ZNF362: variants seen among roughly 807,000 people sequenced by gnomAD.
ZNF362 encodes the protein rotund homolog.
In ZNF362, 11 loss-of-function variants were observed where a neutral mutation model predicts 42.9. That is an observed-to-expected ratio of 0.26 (90% confidence interval 0.16 to 0.42). The LOEUF is 0.42. Ranked by LOEUF, ZNF362 falls within the 20% of genes least tolerant of loss-of-function variation. The pLI is 1.00. For synonymous variants in ZNF362, 255 were observed against 257.3 expected (o/e 0.99, Z 0.09); for missense variants, 362 against 576.2 (o/e 0.63, Z 3.81).
At chr1:33,150,687 C>G in the ZNF362 span, among the ~76,000 whole-genome samples, 2 of 152,272 alleles carry the variant, frequency 1.3e-5, no homozygotes, top group East Asian at 3.9e-4. Flanking sequence ...AACCAGGGGG[C>G]CCCTGCCTGG....
At chr1:33,138,628 A>ACAG in the ZNF362 span, among the ~76,000 whole-genome samples, 1 of 128,688 alleles carries the variant, frequency 7.8e-6, no homozygotes, top group African/African-American at 3.2e-5. Flanking sequence ...AACAACAACA[A>ACAG]AAAAAAAAAA....
intron 2 of ZNF362, among the ~76,000 whole-genome samples, chr1:33,275,816 A>C (rs1414222424): frequency 6.6e-6 from 1 of 151,710 alleles, no homozygotes; most frequent in Non-Finnish European, 1.5e-5. Context: ...CACTGGGGTG[A>C]TAGGGGTGGG....
chr1:33,283,070 T>C (rs909235206), intron 6 of ZNF362, among the ~76,000 whole-genome samples: 1 of 151,944 alleles, frequency 6.6e-6, no homozygotes, highest in Non-Finnish European at 1.5e-5. Context: ...TGTTGTGGAG[T>C]TTGTAATTTA....
the ZNF362 span, among the ~76,000 whole-genome samples, chr1:33,205,419 A>T: frequency 5.9e-5 from 9 of 152,240 alleles, no homozygotes; most frequent in East Asian, 1.7e-3. Context: ...CAGGTGATGG[A>T]GGCTGCACTG....
At chr1:33,254,131 GTT>G (rs1168816102), upstream of ZNF362, among the ~76,000 whole-genome samples, 2 of 39,228 alleles carry the variant, frequency 5.1e-5, no homozygotes, top group Non-Finnish European at 1.6e-4. Flanking sequence ...TAGTTCGTCT[GTT>G]TTTTTTTTTT....
At chr1:33,128,715 G>A in the ZNF362 span, among the ~76,000 whole-genome samples, 4 of 152,308 alleles carry the variant, frequency 2.6e-5, no homozygotes, top group South Asian at 6.2e-4. Context: ...AATGAAGTTG[G>A]TGAGGTCCTA....
the ZNF362 span, among the ~76,000 whole-genome samples, chr1:33,191,356 ACTCTT>A: frequency 6.6e-6 from 1 of 151,260 alleles, no homozygotes; most frequent in African/African-American, 2.4e-5. Flanking sequence ...CTTATCAACA[ACTCTT>A]CTCTTCTCCA....
At chr1:33,163,281 C>A in the ZNF362 span, 1 of 152,156 alleles carries the variant, frequency 6.6e-6, no homozygotes, top group South Asian at 2.1e-4. Context: ...TCAGGTGATC[C>A]GCCCGCCTCA....
chr1:33,243,198 C>T, the ZNF362 span, among the ~76,000 whole-genome samples: 1 of 151,406 alleles, frequency 6.6e-6, no homozygotes, highest in South Asian at 2.1e-4. Context: ...CTCTGTTGCC[C>T]AGGGTGGAGT....
intron 1 of ZNF362, among the ~76,000 whole-genome samples, chr1:33,267,344 G>A (rs1281585342): frequency 6.6e-6 from 1 of 152,104 alleles, no homozygotes; most frequent in Non-Finnish European, 1.5e-5. Flanking sequence ...GCTCCAAGCC[G>A]GAAGCATCAC....
chr1:33,178,081 G>C, the ZNF362 span, among the ~76,000 whole-genome samples: 24 of 152,294 alleles, frequency 1.6e-4, no homozygotes, highest in African/African-American at 4.8e-4. Context: ...GCTAGGTAGG[G>C]TGTTGGGAGA....
the ZNF362 span, among the ~76,000 whole-genome samples, chr1:33,160,272 G>T: frequency 2.0e-5 from 3 of 152,150 alleles, no homozygotes; most frequent in Non-Finnish European, 4.4e-5. Context: ...GTACAGAAGA[G>T]AAAGGAGCTG....
the ZNF362 span, among the ~76,000 whole-genome samples, chr1:33,185,992 T>C: frequency 6.6e-6 from 1 of 152,164 alleles, no homozygotes; most frequent in Admixed American, 6.5e-5. Context: ...ATTATATATA[T>C]TTTTGTAATC....
chr1:33,223,975 C>T, the ZNF362 span, among the ~76,000 whole-genome samples: 1 of 151,612 alleles, frequency 6.6e-6, no homozygotes, highest in African/African-American at 2.4e-5. Flanking sequence ...GGTGATCTGT[C>T]TCTACTACCT....
chr1:33,143,128 C>A, the ZNF362 span: 148 of 152,322 alleles, frequency 9.7e-4, no homozygotes, highest in African/African-American at 3.5e-3. Context: ...TGATATCAGC[C>A]TGACAACCCC....
the ZNF362 span, among the ~76,000 whole-genome samples, chr1:33,144,684 A>G: frequency 1.4e-4 from 22 of 152,328 alleles, no homozygotes; most frequent in Admixed American, 1.3e-3. Context: ...AAGTGTGCAC[A>G]GCCTGTGTGT....
intron 1 of ZNF362, among the ~76,000 whole-genome samples, chr1:33,261,927 C>T (rs917732565): frequency 6.6e-6 from 1 of 152,182 alleles, no homozygotes; most frequent in Non-Finnish European, 1.5e-5. Context: ...ACAGTTACTT[C>T]TTCTCTAGTG....
chr1:33,247,242 A>G, the ZNF362 span, among the ~76,000 whole-genome samples: 3 of 152,228 alleles, frequency 2.0e-5, no homozygotes, highest in Non-Finnish European at 2.9e-5. Flanking sequence ...GTATGAACAA[A>G]GTCAAGTCTA....
At chr1:33,173,112 A>G in the ZNF362 span, among the ~76,000 whole-genome samples, 1 of 152,084 alleles carries the variant, frequency 6.6e-6, no homozygotes, top group Non-Finnish European at 1.5e-5. Flanking sequence ...CCCCAACCCC[A>G]ATCCTTCATC....
Sources: allele counts gnomAD v4.1 joint callset (sites outside exome capture counted in the v4.1 genomes callset), GRCh38; gene constraint gnomAD v4.1.1; transcripts MANE v1.5; gene names NCBI Gene and HGNC (gene_info 2026-07-23, HGNC 2026-07-21).